AKAP7: variants seen among roughly 807,000 people sequenced by gnomAD.
AKAP7 encodes the protein A kinase (PRKA) anchor protein 7.
In AKAP7, 39 loss-of-function variants were observed where a neutral mutation model predicts 39.5. The ratio of observed to expected loss-of-function variants is 0.99; its 90% CI spans 0.76 to 1.29. AKAP7 has a LOEUF of 1.29. AKAP7 is among the 50% of genes most tolerant of loss of function. AKAP7 has a pLI of 0.00. For missense variants in AKAP7, 414 were observed against 407.7 expected (o/e 1.02, Z -0.13); for synonymous variants, 140 against 139.1 (o/e 1.01, Z -0.05).
chr6:131,145,301 T>C lies in AKAP7; in HGVS notation c.36T>C (p.Asn12=). The C allele has an allele frequency of 4.6e-6, 7 of 1,521,746 alleles. No individual in the cohort carries two copies. Among genetic ancestry groups the C allele is most frequent in the Non-Finnish European group, 6.2e-6 (7 of 1,126,828 alleles). The allele number at this position is 1,521,746 out of a possible 1,614,324, so 94.3% of individuals were successfully genotyped here. The change falls in exon 2 of 8, where the codon AAT becomes AAC. Residue 12 remains asparagine, a synonymous_variant. Coordinates refer to ENST00000431975, the MANE Select transcript of AKAP7 (RefSeq NM_016377.4). ...ERPEAGGINS[N]ECENVSRKKK... ...ATGTTAAAGGAGGAATTAATTCCAA[T>C]GAGTGTGAAAATGTATCAAGAAAAA...
rs193053352 is a variant in AKAP7, at chr6:131,275,223, G to A, written c.851-6307G>A. 5.0e-4 allele frequency among the ~76,000 whole-genome samples: 76 copies of A among 152,206 alleles called. 1 individual carries two copies. Among genetic ancestry groups the A allele is most frequent in the African/African-American group, 1.8e-3 (73 of 41,514 alleles). On this transcript the variant is annotated intron_variant, in intron 7 of 7. Transcript: ENST00000431975. Reference sequence around the variant, plus strand: ...AGATTTAATCATAACCTACATTTTAGCATGCGATGTTTCAGGCACCATTTT... The same window carrying A: ...AGATTTAATCATAACCTACATTTTAACATGCGATGTTTCAGGCACCATTTT...
At chr6:131,219,858 G>T in intron 7 of AKAP7, 50 bp downstream of exon 7, 2 of 1,305,420 alleles carry the variant, frequency 1.5e-6, no homozygotes, top group Non-Finnish European at 1.0e-6. Context: ...AATTTTTTTG[G>T]CATCACTTTT....
At chr6:131,208,977 G>GAGC (rs1808391707) in intron 6 of AKAP7, among the ~76,000 whole-genome samples, 1 of 152,184 alleles carries the variant, frequency 6.6e-6, no homozygotes, top group Admixed American at 6.5e-5. Context: ...GAGTGTAACA[G>GAGC]AGCAGGATAT....
At chr6:131,217,153 C>G (rs1809261616) in intron 6 of AKAP7, among the ~76,000 whole-genome samples, 2 of 152,242 alleles carry the variant, frequency 1.3e-5, no homozygotes, top group Middle Eastern at 3.4e-3. Flanking sequence ...CACCACGCAG[C>G]CTTTTTAGCT....
At chr6:131,172,648 G>A (rs1804183195) in intron 5 of AKAP7, among the ~76,000 whole-genome samples, 3 of 151,934 alleles carry the variant, frequency 2.0e-5, no homozygotes, top group Admixed American at 1.3e-4. Flanking sequence ...TTTTCTATTT[G>A]TTGCAAGAGC....
At chr6:131,165,487 AG>A (rs1361241876) in intron 4 of AKAP7, among the ~76,000 whole-genome samples, 3 of 152,170 alleles carry the variant, frequency 2.0e-5, no homozygotes, top group African/African-American at 7.2e-5. Flanking sequence ...TTGACCATTT[AG>A]CTTAAAATTC....
intron 2 of AKAP7, among the ~76,000 whole-genome samples, chr6:131,147,939 C>T (rs1801607647): frequency 6.6e-6 from 1 of 152,200 alleles, no homozygotes; most frequent in Non-Finnish European, 1.5e-5. Context: ...GCCAGAATCC[C>T]AGAGAGCAAA....
intron 5 of AKAP7, among the ~76,000 whole-genome samples, chr6:131,182,547 A>G (rs1805368388): frequency 6.6e-6 from 1 of 152,162 alleles, no homozygotes; most frequent in African/African-American, 2.4e-5. Flanking sequence ...TTATCTTGTT[A>G]TCTGTTGATG....
chr6:131,226,061 C>T (rs1244045293), intron 7 of AKAP7, among the ~76,000 whole-genome samples: 3 of 152,322 alleles, frequency 2.0e-5, no homozygotes, highest in African/African-American at 4.8e-5. Context: ...ATTGGTCTCA[C>T]GTTCTTGCAT....
rs186333562 is a variant in AKAP7 at position 131,281,069 on chromosome 6, A to G, written c.851-461A>G. Among the ~76,000 whole-genome samples, 70 of 152,310 alleles carry G rather than the reference A, an allele frequency of 4.6e-4. No individual in the cohort carries two copies. Among genetic ancestry groups the G allele is most frequent in the African/African-American group, 1.6e-3 (68 of 41,566 alleles). ...CTGAGCATTTATTAACAACCAACCT[A>G]TAGGCCAAGCATTTTTAAATTAGTG... On this transcript the variant is annotated intron_variant, in intron 7 of 7. Transcript: ENST00000431975. The surrounding 1 kb of genome is among the most constrained non-coding windows in gnomAD (Gnocchi z 4.0).
chr6:131,260,476 C>G (rs1813222653), intron 7 of AKAP7, among the ~76,000 whole-genome samples: 1 of 152,100 alleles, frequency 6.6e-6, no homozygotes, highest in South Asian at 2.1e-4. Context: ...TATTTCTTGA[C>G]ATTTTAATAA....
intron 5 of AKAP7, among the ~76,000 whole-genome samples, chr6:131,169,664 T>C (rs1803840982): frequency 6.6e-6 from 1 of 152,170 alleles, no homozygotes; most frequent in South Asian, 2.1e-4. Context: ...TCATATGTGT[T>C]GGAGAACATG....
chr6:131,175,608 A>G (rs1804500359), intron 5 of AKAP7, among the ~76,000 whole-genome samples: 1 of 152,184 alleles, frequency 6.6e-6, no homozygotes, highest in African/African-American at 2.4e-5. Flanking sequence ...TTTACCATTA[A>G]TGGGGGTCAG....
rs369078712 is a variant in AKAP7, at chr6:131,255,346, A to T, written c.851-26184A>T. Among the ~76,000 whole-genome samples, 162 of 152,334 alleles carry T rather than the reference A, an allele frequency of 1.1e-3. 5 individuals are homozygous for T. In the South Asian group the frequency reaches 0.032, roughly 30 times the overall value. ...GAGCTTCAGTGTCAATCAGCCTATC[A>T]GATGATAGAATATGGAATAACTGGT... On this transcript the variant is annotated intron_variant, in intron 7 of 7. Coordinates refer to ENST00000431975, the MANE Select transcript of AKAP7 (RefSeq NM_016377.4).
At chr6:131,183,903 G>A (rs1805546426) in intron 5 of AKAP7, among the ~76,000 whole-genome samples, 1 of 152,180 alleles carries the variant, frequency 6.6e-6, no homozygotes, top group Non-Finnish European at 1.5e-5. Flanking sequence ...CTTGGGCAGA[G>A]GCTCTGGCCT....
chr6:131,207,702 CTGG>C (rs1285406208), intron 6 of AKAP7, among the ~76,000 whole-genome samples: 3 of 151,672 alleles, frequency 2.0e-5, no homozygotes, highest in East Asian at 3.9e-4. Context: ...TGTGGAAGTG[CTGG>C]TGGTAGAGGC....
At chr6:131,185,085 G>A (rs1383556039) in intron 5 of AKAP7, 1 of 686,664 alleles carries the variant, frequency 1.5e-6, no homozygotes, top group Admixed American at 1.8e-5. Context: ...ATCAACTCGG[G>A]GATCTGGGGT....
intron 7 of AKAP7, among the ~76,000 whole-genome samples, chr6:131,257,032 T>C (rs1028729075): frequency 1.3e-5 from 2 of 152,176 alleles, no homozygotes; most frequent in African/African-American, 4.8e-5. Context: ...TTTGCACTTT[T>C]GGTTCTGACA....
upstream of AKAP7, among the ~76,000 whole-genome samples, chr6:131,133,106 T>C (rs988848471): frequency 1.3e-5 from 2 of 152,222 alleles, no homozygotes; most frequent in Admixed American, 6.5e-5. Flanking sequence ...AAAATTCTTC[T>C]GTGCAAAGCA....
Sources: gnomAD v4.1 joint callset for allele counts (sites outside exome capture counted in the v4.1 genomes callset) on GRCh38, gnomAD v4.1.1 for gene constraint, Gnocchi (gnomAD v3.1) non-coding constraint, MANE v1.5 for transcripts, NCBI Gene and HGNC (gene_info 2026-07-23, HGNC 2026-07-21) for gene names.